TSGA10: variants seen among roughly 807,000 people sequenced by gnomAD.
TSGA10 encodes testis specific 10, also known as testis-specific gene 10 protein.
In TSGA10, 43 loss-of-function variants were observed where a neutral mutation model predicts 96.6. The observed-to-expected ratio is 0.44, with a 90% CI of 0.35 to 0.57. The LOEUF (loss-of-function observed/expected upper bound fraction) is 0.57, where lower values mean the gene tolerates loss of function less well. Ranked by LOEUF, TSGA10 falls within the 20% of genes least tolerant of loss-of-function variation. The pLI, the probability that TSGA10 is intolerant of heterozygous loss-of-function variation, is 0.01. For missense variants in TSGA10, 703 were observed against 834.4 expected (o/e 0.84, Z 1.94); for synonymous variants, 229 against 269.9 (o/e 0.85, Z 1.48).
chr2:99,118,425 T>A (rs563182019), intron 3 of TSGA10, 126 bp downstream of exon 3: 67 of 276,392 alleles, frequency 2.4e-4, no homozygotes, highest in Admixed American at 4.8e-4. Context: ...CACTCCAGCC[T>A]TGGTGACACA....
chr2:99,114,234 T>A (rs1349234330), intron 4 of TSGA10, among the ~76,000 whole-genome samples: 1 of 152,182 alleles, frequency 6.6e-6, no homozygotes, highest in East Asian at 1.9e-4. Context: ...TTGTTTCAAG[T>A]GCCACCCCAC....
At chr2:99,150,756 A>T (rs1382981116) in intron 1 of TSGA10, 2 of 1,613,890 alleles carry the variant, frequency 1.2e-6, no homozygotes, top group Non-Finnish European at 1.7e-6. Flanking sequence ...CTGGCACAGG[A>T]TCTCTTTCTG....
chr2:99,116,353 CTCAA>C (rs2092260020), intron 4 of TSGA10, among the ~76,000 whole-genome samples: 1 of 106,200 alleles, frequency 9.4e-6, no homozygotes, highest in African/African-American at 2.8e-5. Context: ...TGGCAAAGTA[CTCAA>C]TCAAGAAAAA....
At position 99,100,218 on chromosome 2, in the gene TSGA10, G is replaced by T. The variant is rs549591327; in HGVS notation, c.611+3749C>A. On this transcript the variant is annotated intron_variant, in intron 10 of 20. Transcript: ENST00000393483. ...TATATGAAAATTGAAAATGCAAAGG[G>T]CCGGCAATAGTCAAGACTTTCTTGA... Among the ~76,000 whole-genome samples, 184 of 152,212 alleles carry T rather than the reference G, an allele frequency of 1.2e-3. 2 individuals carry two copies. Among genetic ancestry groups the T allele is most frequent in the African/African-American group, 4.2e-3 (174 of 41,548 alleles).
At chr2:99,071,334 C>T (rs75233976) in intron 14 of TSGA10, among the ~76,000 whole-genome samples, 10,969 of 151,892 alleles carry the variant, frequency 0.072, 788 homozygotes, top group East Asian at 0.21. Flanking sequence ...AAACAAGGCA[C>T]AGTCCATACA....
At chr2:99,141,303 G>A (rs959862413) in intron 1 of TSGA10, 1 of 383,708 alleles carries the variant, frequency 2.6e-6, no homozygotes, top group Middle Eastern at 7.1e-4. Context: ...GGCGGTTAGC[G>A]CCAGCCAGTG....
chr2:98,999,063 T>A (rs1260459409), intron 20 of TSGA10, among the ~76,000 whole-genome samples: 2 of 152,084 alleles, frequency 1.3e-5, no homozygotes, highest in Admixed American at 1.3e-4. Flanking sequence ...GCCCAGCTAA[T>A]GTTTGTATTT....
In TSGA10 at chr2:98,997,339, A is replaced by C. The variant is rs1326155428; in HGVS notation, c.*858T>G. On this transcript the variant is annotated 3_prime_UTR_variant, in exon 21 of 21. Coordinates refer to ENST00000393483, the MANE Select transcript of TSGA10 (RefSeq NM_025244.4). ...ATATCAGTAAAATACAGTAGCATTC[A>C]GGCTCTAATATGAACATTACATCAA... The C allele has an allele frequency of 6.6e-6, 1 of 152,080 alleles. No homozygotes were observed. Among genetic ancestry groups the C allele is most frequent in the African/African-American group, 2.4e-5 (1 of 41,442 alleles). 9.4% of individuals were successfully genotyped at this position (152,080 alleles called of 1,614,324 possible). A position where few individuals can be genotyped will look rare whatever the true frequency, so the allele number is the denominator to read the frequency against.
At chr2:99,033,192 A>C (rs1026297409) in intron 17 of TSGA10, among the ~76,000 whole-genome samples, 1 of 152,226 alleles carries the variant, frequency 6.6e-6, no homozygotes, top group African/African-American at 2.4e-5. Context: ...GGCTATCCAA[A>C]AAATGTCACC....
At chr2:99,133,155 T>C (rs933920040) in intron 1 of TSGA10, among the ~76,000 whole-genome samples, 10 of 152,204 alleles carry the variant, frequency 6.6e-5, no homozygotes, top group African/African-American at 2.4e-4. Context: ...GTTAATTTTC[T>C]GTCTAGTTGA....
chr2:99,123,826 A>C (rs2092697239), intron 2 of TSGA10, among the ~76,000 whole-genome samples: 1 of 152,124 alleles, frequency 6.6e-6, no homozygotes, highest in Admixed American at 6.5e-5. Flanking sequence ...TTCCTTTTTG[A>C]ATCTGAGTTA....
At chr2:99,008,371 T>C (rs1053049016) in intron 20 of TSGA10, among the ~76,000 whole-genome samples, 24 of 152,210 alleles carry the variant, frequency 1.6e-4, no homozygotes, top group African/African-American at 4.3e-4. Context: ...ATTAGAAAAA[T>C]AGACGAAGAA....
chr2:99,035,550 GT>G, intron 16 of TSGA10, 111 bp from the exon 17 acceptor site: 1 of 625,912 alleles, frequency 1.6e-6, no homozygotes, highest in Non-Finnish European at 2.6e-6. Context: ...CACTTAGATT[GT>G]ATGAAGTTTA....
At chr2:99,090,525 AT>A (rs2089191895) in intron 10 of TSGA10, among the ~76,000 whole-genome samples, 1 of 152,202 alleles carries the variant, frequency 6.6e-6, no homozygotes, top group African/African-American at 2.4e-5. Context: ...AAATAAAAAA[AT>A]GATACAAGAT....
intron 4 of TSGA10, among the ~76,000 whole-genome samples, chr2:99,114,144 AC>A (rs1369241291): frequency 6.6e-6 from 1 of 152,122 alleles, no homozygotes; most frequent in Non-Finnish European, 1.5e-5. Flanking sequence ...TTAGCCTCAG[AC>A]TCTACCTCCG....
In TSGA10 at chr2:99,074,000, C is replaced by CTTTTTTTTTT. The variant is rs1167854716; in HGVS notation, c.883-937_883-928dup. On this transcript the variant is annotated intron_variant, in intron 12 of 20. Transcript: ENST00000393483. ...AACCAATTCTGTTCCTGTTTCTTTTCTTTTTTTTTTTTTTTTTTTTTTTTT... is the reference window on the plus strand; with the variant it reads ...AACCAATTCTGTTCCTGTTTCTTTTCTTTTTTTTTTTTTTTTTTTTTTTTTTTTTTTTTTT... 5.4e-3 allele frequency among the ~76,000 whole-genome samples: 283 copies of CTTTTTTTTTT among 52,606 alleles called. 72 individuals carry two copies. Among genetic ancestry groups the CTTTTTTTTTT allele is most frequent in the African/African-American group, 7.3e-3 (97 of 13,336 alleles). 34.5% of individuals were successfully genotyped at this position (52,606 alleles called of 152,430 possible). A position where few individuals can be genotyped will look rare whatever the true frequency, so the allele number is the denominator to read the frequency against.
chr2:99,081,575 G>A (rs1372194825), intron 10 of TSGA10, among the ~76,000 whole-genome samples, 178 bp from the exon 11 acceptor site: 1 of 152,050 alleles, frequency 6.6e-6, no homozygotes, highest in South Asian at 2.1e-4. Context: ...GGTAAGAAGG[G>A]ATCTTCAATC....
At chr2:99,050,753 CA>C (rs1355543202) in intron 16 of TSGA10, among the ~76,000 whole-genome samples, 9 of 151,932 alleles carry the variant, frequency 5.9e-5, no homozygotes, top group African/African-American at 2.2e-4. Flanking sequence ...AATAGAGGAA[CA>C]AAAAGGCATA....
intron 16 of TSGA10, among the ~76,000 whole-genome samples, chr2:99,050,348 G>A (rs1172830410): frequency 6.6e-6 from 1 of 152,102 alleles, no homozygotes; most frequent in East Asian, 1.9e-4. Context: ...GACATTCAAA[G>A]GAAATGCTCG....
Sources: gnomAD v4.1 joint callset for allele counts (sites outside exome capture counted in the v4.1 genomes callset) on GRCh38, gnomAD v4.1.1 for gene constraint, MANE v1.5 for transcripts, NCBI Gene and HGNC (gene_info 2026-07-23, HGNC 2026-07-21) for gene names.